Variants in PGPEP1L observed in about 807,000 individuals in gnomAD.
PGPEP1L encodes pyroglutamyl-peptidase I like.
PGPEP1L carries 7 observed loss-of-function variants against 6.0 expected under a neutral mutation model. The observed-to-expected ratio is 1.17, with a 90% CI of 0.66 to 2.19. PGPEP1L has a LOEUF of 2.19. Among genes scored for constraint, PGPEP1L ranks in the 30% most tolerant of loss-of-function variants. The pLI is 0.00. For synonymous variants in PGPEP1L, 103 were observed against 83.9 expected, an observed-to-expected ratio of 1.23 and a Z score of -1.24; for missense variants, 209 against 192.5, an observed-to-expected ratio of 1.09 and a Z score of -0.51.
At chr15:98,978,766 T>C (rs1374650913) in intron 2 of PGPEP1L, among the ~76,000 whole-genome samples, 1 of 140,212 alleles carries the variant, frequency 7.1e-6, no homozygotes, top group African/African-American at 2.7e-5. Flanking sequence ...AGTCTTGCTC[T>C]GTCACCAGGC....
At chr15:98,995,371 T>C (rs782705653) in intron 2 of PGPEP1L, among the ~76,000 whole-genome samples, 1 of 152,236 alleles carries the variant, frequency 6.6e-6, no homozygotes, top group Non-Finnish European at 1.5e-5. Context: ...TATTGAGATA[T>C]AATTCACCTC....
At chr15:98,988,720 C>A (rs542160883) in intron 2 of PGPEP1L, among the ~76,000 whole-genome samples, 28 of 152,318 alleles carry the variant, frequency 1.8e-4, no homozygotes, top group African/African-American at 6.3e-4. Context: ...TAGGGGCCGA[C>A]AGACACCTCA....
chr15:99,005,201 G>A lies in PGPEP1L; in HGVS notation c.-142+228C>T, dbSNP rs1259639125. 1.3e-5 allele frequency among the ~76,000 whole-genome samples: 2 copies of A among 152,220 alleles called. 1 individual carries two copies. The highest frequency in any genetic ancestry group is 4.8e-5 in the African/African-American group (2 of 41,466). ...GCACCTTCGTGCCCGCCACTCGAGA[G>A]TTACTTGAAGCGAATGAGCCACAGA... On this transcript the variant is annotated intron_variant, in intron 2 of 4. Coordinates refer to ENST00000535714, the MANE Select transcript of PGPEP1L (RefSeq NM_001167902.2).
chr15:98,968,454 T>G lies in PGPEP1L; in HGVS notation c.*24A>C. The G allele has an allele frequency of 6.2e-7, 1 of 1,600,854 alleles. No homozygotes were observed. The highest frequency in any genetic ancestry group is 8.5e-7 in the Non-Finnish European group (1 of 1,172,248). ...ACATACAGGATTGAAACATTCAATTTTCTCTAGAGGAGCAATCCCCCGGTC... is the reference window on the plus strand; with the variant it reads ...ACATACAGGATTGAAACATTCAATTGTCTCTAGAGGAGCAATCCCCCGGTC... On this transcript the variant is annotated 3_prime_UTR_variant, in exon 5 of 5. Transcript: ENST00000535714.
At chr15:98,976,137 G>A (rs981065408) in intron 2 of PGPEP1L, among the ~76,000 whole-genome samples, 16 of 152,204 alleles carry the variant, frequency 1.1e-4, no homozygotes, top group Middle Eastern at 3.4e-3. Flanking sequence ...TTCTAGACAC[G>A]ATAGTAATGA....
intron 2 of PGPEP1L, among the ~76,000 whole-genome samples, chr15:98,977,962 T>C (rs541704900): frequency 6.6e-6 from 1 of 152,226 alleles, no homozygotes; most frequent in African/African-American, 2.4e-5. Flanking sequence ...TTGTGAGCTC[T>C]AGAACACAGC....
At chr15:98,984,073 G>C (rs540330493) in intron 2 of PGPEP1L, among the ~76,000 whole-genome samples, 3 of 143,312 alleles carry the variant, frequency 2.1e-5, no homozygotes. Flanking sequence ...CTGGAGTGCA[G>C]TGGCGCAGCT....
At position 98,988,966 on chromosome 15, in the gene PGPEP1L, C is replaced by A. The variant is rs184350380; in HGVS notation, c.-142+16463G>T. On this transcript the variant is annotated intron_variant, in intron 2 of 4. Coordinates refer to ENST00000535714, the MANE Select transcript of PGPEP1L (RefSeq NM_001167902.2). ...AAAAAAGGACGTCCAGACACAGAAA[C>A]CCCATTTGAAGGTCACCAACATCAG... 3.1e-3 allele frequency among the ~76,000 whole-genome samples: 479 copies of A among 152,280 alleles called. 7 individuals carry two copies. The highest frequency in any genetic ancestry group is 1.0e-2 in the African/African-American group (414 of 41,568).
At chr15:98,989,098 T>TGCCA (rs1297908422) in intron 2 of PGPEP1L, among the ~76,000 whole-genome samples, 2 of 152,126 alleles carry the variant, frequency 1.3e-5, no homozygotes, top group African/African-American at 2.4e-5. Flanking sequence ...CACAGCTCCT[T>TGCCA]GCCAGCAAGG....
chr15:98,979,630 ATTCTTTTTTTTTTTTTTTTTTTTTT>A lies in PGPEP1L; in HGVS notation c.-141-8497_-141-8473del, dbSNP rs2017627484. Among the ~76,000 whole-genome samples, 5 of 105,946 alleles carry A rather than the reference ATTCTTTTTTTTTTTTTTTTTTTTTT, an allele frequency of 4.7e-5. No individual in the cohort carries two copies. The South Asian group carries it at 1.4e-3, about 29-fold the overall frequency. 69.5% of individuals were successfully genotyped at this position (105,946 alleles called of 152,430 possible). A position where few individuals can be genotyped will look rare whatever the true frequency, so the allele number is the denominator to read the frequency against. The stretch of plus-strand genomic sequence containing the variant: ...AGCAACCTGGATGGGATTGGAGACT[ATTCTTTTTTTTTTTTTTTTTTTTTT>A]TTTTTTTTTTTTGGAGACAGAGTCT... On this transcript the variant is annotated intron_variant, in intron 2 of 4. Transcript: ENST00000535714.
At chr15:98,981,489 CAAA>C (rs769918543) in intron 2 of PGPEP1L, among the ~76,000 whole-genome samples, 2 of 82,100 alleles carry the variant, frequency 2.4e-5, no homozygotes, top group Non-Finnish European at 3.0e-5. Flanking sequence ...GACTCCGTCT[CAAA>C]AAAAAAAAAA....
At chr15:98,999,197 T>G (rs1555472736) in intron 2 of PGPEP1L, among the ~76,000 whole-genome samples, 2 of 152,188 alleles carry the variant, frequency 1.3e-5, no homozygotes, top group East Asian at 3.9e-4. Context: ...AATCATGTAT[T>G]TCACCAAGGC....
In PGPEP1L at chr15:98,969,582, C is replaced by G. The variant is rs1230138752; in HGVS notation, c.52G>C (p.Gly18Arg). ...CTGCGGATGTCGGCGTCCCGGTAGC[C>G]TTGGTTCTTGCCAGACTGTTCCAGA... ...IILEQSGKNQ[G>R]YRDADIRSFW... The change falls in exon 4 of 5, where the codon GGC becomes CGC. Residue 18 changes from glycine to arginine, a missense_variant. By Grantham distance (125) the Gly-to-Arg change is moderately radical. Transcript: ENST00000535714. The G allele has an allele frequency of 1.9e-6, 3 of 1,613,854 alleles. No homozygotes were observed. The East Asian group carries it at 6.7e-5, about 36-fold the overall frequency.
chr15:98,984,028 T>C (rs999322911), intron 2 of PGPEP1L, among the ~76,000 whole-genome samples: 9 of 147,370 alleles, frequency 6.1e-5, no homozygotes, highest in African/African-American at 2.3e-4. Flanking sequence ...TTTTTTTTTT[T>C]TTTTTCTATT....
intron 2 of PGPEP1L, among the ~76,000 whole-genome samples, chr15:98,982,829 GCCT>G (rs1295500276): frequency 6.8e-6 from 1 of 146,334 alleles, no homozygotes; most frequent in African/African-American, 2.5e-5. Context: ...TCATCCCTTA[GCCT>G]CCTGAGTAGC....
Position 98,974,949 on chromosome 15 carries a change from C to A in PGPEP1L, c.-141-3791G>T, listed in dbSNP as rs970408095. Among the ~76,000 whole-genome samples, 3 of 152,264 alleles carry A rather than the reference C, an allele frequency of 2.0e-5. No individual in the cohort carries two copies. In the South Asian group the frequency reaches 6.2e-4, roughly 32 times the overall value. ...ACTAAAAAGAGATATACCATATTAT[C>A]CAGAAATCTGACTGCTGGGTATATA... is the stretch of plus-strand genomic sequence containing the variant. On this transcript the variant is annotated intron_variant, in intron 2 of 4. Transcript: ENST00000535714.
chr15:98,983,175 G>T (rs916831051), intron 2 of PGPEP1L, among the ~76,000 whole-genome samples: 1 of 149,230 alleles, frequency 6.7e-6, no homozygotes, highest in African/African-American at 2.5e-5. Flanking sequence ...AAAAAAAGAA[G>T]AATCAAGAGA....
intron 1 of PGPEP1L, among the ~76,000 whole-genome samples, chr15:99,007,027 C>G (rs1292590899): frequency 6.6e-6 from 1 of 152,136 alleles, no homozygotes; most frequent in Non-Finnish European, 1.5e-5. Context: ...ATATAAAGCG[C>G]TCCCTTTTAA....
chr15:98,978,056 C>T (rs1399821941), intron 2 of PGPEP1L, among the ~76,000 whole-genome samples: 1 of 152,214 alleles, frequency 6.6e-6, no homozygotes. Context: ...CTGAGGGCTG[C>T]TGCCCAAAAG....
Sources: gnomAD v4.1 joint callset for allele counts (sites outside exome capture counted in the v4.1 genomes callset) on GRCh38, gnomAD v4.1.1 for gene constraint, MANE v1.5 for transcripts, NCBI Gene and HGNC (gene_info 2026-07-23, HGNC 2026-07-21) for gene names.